Variants in FRMD4A observed in about 807,000 individuals in gnomAD.
FRMD4A encodes the protein FERM domain-containing protein 4A.
FRMD4A carries 29 observed loss-of-function variants against 129.1 expected under a neutral mutation model. The ratio of observed to expected loss-of-function variants is 0.22; its 90% CI spans 0.17 to 0.31. The LOEUF (loss-of-function observed/expected upper bound fraction) is 0.31, where lower values mean the gene tolerates loss of function less well. FRMD4A is among the 10% of genes least tolerant of loss of function. FRMD4A has a pLI of 1.00. For missense variants in FRMD4A, 1,272 were observed against 1,375.8 expected (o/e 0.92, Z 1.19); for synonymous variants, 634 against 571.6 (o/e 1.11, Z -1.56).
intron 3 of FRMD4A, among the ~76,000 whole-genome samples, chr10:13,836,063 T>C (rs11599409): frequency 1.6e-3 from 237 of 152,344 alleles, no homozygotes; most frequent in Non-Finnish European, 2.4e-3. Flanking sequence ...AGTGGCACGA[T>C]CTCAGCTCAC....
chr10:13,846,419 G>A (rs1162149159), intron 3 of FRMD4A, among the ~76,000 whole-genome samples: 1 of 152,214 alleles, frequency 6.6e-6, no homozygotes, highest in East Asian at 1.9e-4. Flanking sequence ...TGAGATCCCC[G>A]CAGAGCCTCC....
intron 2 of FRMD4A, among the ~76,000 whole-genome samples, chr10:13,931,555 C>G (rs1208662583): frequency 1.3e-5 from 2 of 152,142 alleles, no homozygotes; most frequent in East Asian, 3.9e-4. Context: ...TTGGCTGCTA[C>G]TACCCTGTGC....
At chr10:13,941,773 C>A (rs141566102) in intron 2 of FRMD4A, among the ~76,000 whole-genome samples, 121 of 152,302 alleles carry the variant, frequency 7.9e-4, no homozygotes, top group Middle Eastern at 3.4e-3. Context: ...GTGTGAATGG[C>A]TTCCCTGACA....
At chr10:13,693,753 T>C (rs2085948336) in intron 15 of FRMD4A, 145 bp downstream of exon 15, 3 of 854,932 alleles carry the variant, frequency 3.5e-6, no homozygotes, top group Non-Finnish European at 5.7e-6. Context: ...CGCATTTGGA[T>C]CCCAACCTTG....
At chr10:13,649,943 C>T (rs1026580729) in intron 24 of FRMD4A, among the ~76,000 whole-genome samples, 2 of 152,218 alleles carry the variant, frequency 1.3e-5, no homozygotes, top group Non-Finnish European at 2.9e-5. Flanking sequence ...TGTGCTCTCT[C>T]AACTGTGACC....
intron 2 of FRMD4A, among the ~76,000 whole-genome samples, chr10:14,312,772 G>T (rs936975505): frequency 6.6e-6 from 1 of 152,110 alleles, no homozygotes; most frequent in Non-Finnish European, 1.5e-5. Context: ...AGGCTGAGGT[G>T]GAAGGATCAC....
At chr10:14,004,820 G>A (rs950707477) in intron 2 of FRMD4A, among the ~76,000 whole-genome samples, 6 of 151,984 alleles carry the variant, frequency 3.9e-5, no homozygotes, top group Admixed American at 1.3e-4. Flanking sequence ...AGTAAAACTC[G>A]TAAATAGCAA....
chr10:13,706,915 A>G (rs923417320), intron 13 of FRMD4A, 122 bp downstream of exon 13: 26 of 623,250 alleles, frequency 4.2e-5, no homozygotes, highest in Non-Finnish European at 6.8e-5. Flanking sequence ...ATTCCCCAGG[A>G]GCCCCCACCC....
chr10:14,139,486 G>A (rs557983217), intron 2 of FRMD4A, among the ~76,000 whole-genome samples: 7 of 151,270 alleles, frequency 4.6e-5, no homozygotes, highest in African/African-American at 1.5e-4. Context: ...GTCTCACTCT[G>A]TCACCAAGGC....
At chr10:13,713,695 C>T (rs561432685) in intron 12 of FRMD4A, among the ~76,000 whole-genome samples, 1 of 150,692 alleles carries the variant, frequency 6.6e-6, no homozygotes, top group South Asian at 2.1e-4. Context: ...AGGACTGGAT[C>T]CCATGTGCCC....
At chr10:14,174,063 C>G (rs1049490005) in intron 2 of FRMD4A, among the ~76,000 whole-genome samples, 1 of 152,062 alleles carries the variant, frequency 6.6e-6, no homozygotes, top group African/African-American at 2.4e-5. Flanking sequence ...AATCCTCATG[C>G]CAGTTTCTGT....
chr10:14,083,875 C>G (rs1836084724), intron 2 of FRMD4A: 1 of 152,192 alleles, frequency 6.6e-6, no homozygotes, highest in East Asian at 1.9e-4. Context: ...CTTCGCACAA[C>G]TGTAACTTTT....
At chr10:14,080,862 A>G (rs1835889631) in intron 2 of FRMD4A, among the ~76,000 whole-genome samples, 1 of 151,566 alleles carries the variant, frequency 6.6e-6, no homozygotes, top group African/African-American at 2.4e-5. Context: ...CCAGGAGATA[A>G]ATTCGTCAAG....
intron 23 of FRMD4A, chr10:13,653,060 T>A (rs2081798565): frequency 6.7e-6 from 1 of 150,222 alleles, no homozygotes; most frequent in Non-Finnish European, 1.5e-5. Context: ...AACATCTGGG[T>A]ATTTCCCCCG....
At chr10:13,686,000 T>A (rs373914237) in intron 15 of FRMD4A, among the ~76,000 whole-genome samples, 8 of 152,358 alleles carry the variant, frequency 5.3e-5, no homozygotes, top group African/African-American at 1.9e-4. Context: ...CAATTTTGAC[T>A]CAGGCCAGTC....
At chr10:14,217,690 C>G (rs892334571) in intron 2 of FRMD4A, among the ~76,000 whole-genome samples, 1 of 152,186 alleles carries the variant, frequency 6.6e-6, no homozygotes, top group African/African-American at 2.4e-5. Flanking sequence ...CCAGCTGGCT[C>G]TCTGCAACCT....
chr10:14,225,321 G>T (rs1843399648), intron 2 of FRMD4A, among the ~76,000 whole-genome samples: 3 of 152,130 alleles, frequency 2.0e-5, no homozygotes, highest in African/African-American at 7.2e-5. Flanking sequence ...AGGAAGAAAA[G>T]CTTTCAAATC....
intron 2 of FRMD4A, among the ~76,000 whole-genome samples, chr10:14,149,929 T>C (rs1840258518): frequency 6.6e-6 from 1 of 152,188 alleles, no homozygotes; most frequent in South Asian, 2.1e-4. Context: ...TTTAATTGAT[T>C]CACAGTTCCA....
chr10:14,174,315 C>T (rs1841620023), intron 2 of FRMD4A, among the ~76,000 whole-genome samples: 1 of 152,196 alleles, frequency 6.6e-6, no homozygotes, highest in African/African-American at 2.4e-5. Context: ...TCCTCCCTCT[C>T]TCTTTCCATA....
Sources: gnomAD v4.1 joint callset for allele counts (sites outside exome capture counted in the v4.1 genomes callset) on GRCh38, gnomAD v4.1.1 for gene constraint, MANE v1.5 for transcripts, NCBI Gene and HGNC (gene_info 2026-07-23, HGNC 2026-07-21) for gene names.